FHIT: variants seen among roughly 807,000 people sequenced by gnomAD.
FHIT encodes fragile histidine triad diadenosine triphosphatase.
In FHIT, 19 loss-of-function variants were observed where a neutral mutation model predicts 17.9. The observed-to-expected ratio is 1.06, with a 90% CI of 0.74 to 1.56. The LOEUF (loss-of-function observed/expected upper bound fraction) is 1.56, where lower values mean the gene tolerates loss of function less well. FHIT is among the 40% of genes most tolerant of loss of function. The pLI is 0.00. For synonymous variants in FHIT, 81 were observed against 69.7 expected, an observed-to-expected ratio of 1.16 and a Z score of -0.81; for missense variants, 248 against 189.2, an observed-to-expected ratio of 1.31 and a Z score of -1.82.
Position 61,224,404 on chromosome 3 carries a change from C to CTATTT in FHIT, c.-212-23744_-212-23740dup, listed in dbSNP as rs559158415. 2.8e-3 allele frequency among the ~76,000 whole-genome samples: 432 copies of CTATTT among 152,084 alleles called. 2 individuals are homozygous for CTATTT. Among genetic ancestry groups the CTATTT allele is most frequent in the Middle Eastern group, 6.8e-3 (2 of 294 alleles). On this transcript the variant is annotated intron_variant, in intron 1 of 9. Transcript: ENST00000492590. ...CAAAATGGTAACCATGCTTATGTTACTATTTTATTTTATTTTATTTTATTT... is the reference window on the plus strand; with the variant it reads ...CAAAATGGTAACCATGCTTATGTTACTATTTTATTTTATTTTATTTTATTTTATTT...
chr3:60,730,458 A>T lies in FHIT; in HGVS notation c.-18+91461T>A, dbSNP rs981089553. The T allele has an allele frequency of 4.6e-4, 104 of 225,566 alleles. 1 individual carries two copies. Among genetic ancestry groups the T allele is most frequent in the Admixed American group, 4.5e-3 (104 of 23,078 alleles). The allele number at this position is 225,566 out of a possible 1,614,324, so 14.0% of individuals were successfully genotyped here. ...CTTTGTCTCCTTTATAAATCCTTTT[A>T]TTCTTAGGTCCTGTAATCTCCATGT... On this transcript the variant is annotated intron_variant, in intron 4 of 9. Coordinates refer to ENST00000492590, the MANE Select transcript of FHIT (RefSeq NM_002012.4).
chr3:60,360,486 C>G (rs1030241996), intron 5 of FHIT, among the ~76,000 whole-genome samples: 1 of 152,084 alleles, frequency 6.6e-6, no homozygotes, highest in Non-Finnish European at 1.5e-5. Context: ...AAATGCAAGT[C>G]TTTGACTCTG....
chr3:59,915,665 C>T (rs1407269497), intron 8 of FHIT, among the ~76,000 whole-genome samples: 1 of 152,200 alleles, frequency 6.6e-6, no homozygotes, highest in African/African-American at 2.4e-5. Context: ...CTGGGCTGGG[C>T]ACAGTGGCTC....
At chr3:60,950,547 G>C (rs116719697) in intron 3 of FHIT, among the ~76,000 whole-genome samples, 3,990 of 149,140 alleles carry the variant, frequency 0.027, 179 homozygotes, top group African/African-American at 0.093. Flanking sequence ...GATGGAGTCT[G>C]ACTCTGTCGC....
At chr3:61,235,445 T>A (rs1037657501) in intron 1 of FHIT, among the ~76,000 whole-genome samples, 92 of 151,906 alleles carry the variant, frequency 6.1e-4, no homozygotes, top group African/African-American at 2.1e-3. Context: ...AAAAGTAAGG[T>A]CTCTTTTAAC....
chr3:60,258,493 C>G (rs973422846), intron 5 of FHIT, among the ~76,000 whole-genome samples: 2 of 152,106 alleles, frequency 1.3e-5, no homozygotes, highest in African/African-American at 4.8e-5. Context: ...TGACATATGG[C>G]ATCCCTTCTT....
At chr3:59,793,747 C>CTTGCCTCA (rs1699665431) in intron 8 of FHIT, among the ~76,000 whole-genome samples, 1 of 152,268 alleles carries the variant, frequency 6.6e-6, no homozygotes, top group East Asian at 1.9e-4. Flanking sequence ...GAGTGAAGGG[C>CTTGCCTCA]TTGCCTCATT....
chr3:60,468,873 T>A (rs1291083797), intron 5 of FHIT, among the ~76,000 whole-genome samples: 2 of 152,124 alleles, frequency 1.3e-5, no homozygotes, highest in African/African-American at 2.4e-5. Flanking sequence ...TTCTGGTGTT[T>A]TGTTTGTCTG....
intron 5 of FHIT, among the ~76,000 whole-genome samples, chr3:60,521,807 G>C (rs756516791): frequency 1.3e-5 from 2 of 152,152 alleles, no homozygotes; most frequent in Non-Finnish European, 2.9e-5. Context: ...AAGTACAAAT[G>C]TTTTGTACCC....
chr3:60,286,144 G>C lies in FHIT; in HGVS notation c.103+250716C>G, dbSNP rs189565187. Reference sequence around the variant, plus strand: ...ATTCTCTATCCTAGTTTCAACAGAAGGAAGAGAAAACAGACTCCACCTCCT... The same window carrying C: ...ATTCTCTATCCTAGTTTCAACAGAACGAAGAGAAAACAGACTCCACCTCCT... On this transcript the variant is annotated intron_variant, in intron 5 of 9. Transcript: ENST00000492590. 5.9e-4 allele frequency among the ~76,000 whole-genome samples: 90 copies of C among 152,268 alleles called. No homozygotes were observed. The Middle Eastern group carries it at 0.01, about 17-fold the overall frequency.
At chr3:61,114,582 G>A (rs6765664) in intron 2 of FHIT, among the ~76,000 whole-genome samples, 8,628 of 152,098 alleles carry the variant, frequency 0.057, 843 homozygotes, top group African/African-American at 0.2. Context: ...AACAATCATT[G>A]GTGCTTATTT....
rs1323880999 is a variant in FHIT, at chr3:60,371,842, G to T, written c.103+165018C>A. Among the ~76,000 whole-genome samples, 366 of 143,024 alleles carry T rather than the reference G, an allele frequency of 2.6e-3. 1 individual carries two copies. The highest frequency in any genetic ancestry group is 7.5e-3 in the African/African-American group (297 of 39,438). 93.8% of individuals were successfully genotyped at this position (143,024 alleles called of 152,430 possible). ...CCTCATTTTAGCAGATTTTTGTGGG[G>T]TTTTTTTTTTTTTTTTAGCTCAAAA... is the stretch of plus-strand genomic sequence containing the variant. On this transcript the variant is annotated intron_variant, in intron 5 of 9. Coordinates refer to ENST00000492590, the MANE Select transcript of FHIT (RefSeq NM_002012.4).
At chr3:60,912,495 T>C (rs1224959312) in intron 3 of FHIT, among the ~76,000 whole-genome samples, 1 of 152,182 alleles carries the variant, frequency 6.6e-6, no homozygotes, top group Non-Finnish European at 1.5e-5. Flanking sequence ...CCCCAAAATA[T>C]GCCACTTTGG....
In FHIT at chr3:60,200,580, G is replaced by A. The variant is rs891029467; in HGVS notation, c.104-186428C>T. Among the ~76,000 whole-genome samples the A allele has an allele frequency of 8.8e-4, 133 of 151,944 alleles. 1 individual carries two copies. Among genetic ancestry groups the A allele is most frequent in the African/African-American group, 3.1e-3 (127 of 41,454 alleles). Reference sequence around the variant, plus strand: ...CTTCTAACAAGGTCTTTCCTCTACAGGGCATCCATGCTTTGAACTCTAGGG... The same window carrying A: ...CTTCTAACAAGGTCTTTCCTCTACAAGGCATCCATGCTTTGAACTCTAGGG... On this transcript the variant is annotated intron_variant, in intron 5 of 9. Coordinates refer to ENST00000492590, the MANE Select transcript of FHIT (RefSeq NM_002012.4).
intron 5 of FHIT, among the ~76,000 whole-genome samples, chr3:60,286,162 C>T (rs574704649): frequency 1.3e-5 from 2 of 152,294 alleles, no homozygotes; most frequent in African/African-American, 4.8e-5. Context: ...AAACAGACTC[C>T]ACCTCCTGAT....
intron 8 of FHIT, among the ~76,000 whole-genome samples, chr3:59,856,052 A>G (rs1316328365): frequency 6.6e-6 from 1 of 152,208 alleles, no homozygotes; most frequent in Non-Finnish European, 1.5e-5. Context: ...AAGTGCTGGG[A>G]TTACAGGTGT....
intron 8 of FHIT, among the ~76,000 whole-genome samples, chr3:59,758,432 C>T (rs758472238): frequency 6.6e-5 from 10 of 152,270 alleles, no homozygotes; most frequent in Admixed American, 3.3e-4. Flanking sequence ...GGAATAGGCA[C>T]GCACAACAGG....
intron 5 of FHIT, among the ~76,000 whole-genome samples, chr3:60,443,169 T>G (rs1159937806): frequency 6.6e-6 from 1 of 152,178 alleles, no homozygotes; most frequent in African/African-American, 2.4e-5. Context: ...TAAGGAGATT[T>G]TGGGCTGAGA....
At chr3:59,841,135 G>A (rs1273055389) in intron 8 of FHIT, among the ~76,000 whole-genome samples, 2 of 152,116 alleles carry the variant, frequency 1.3e-5, no homozygotes, top group East Asian at 1.9e-4. Flanking sequence ...CCCTTTGATG[G>A]TAGAAAATGA....
Sources: gnomAD v4.1 joint callset for allele counts (sites outside exome capture counted in the v4.1 genomes callset) on GRCh38, gnomAD v4.1.1 for gene constraint, MANE v1.5 for transcripts, NCBI Gene and HGNC (gene_info 2026-07-23, HGNC 2026-07-21) for gene names.